SPRY3: variants seen among roughly 807,000 people sequenced by gnomAD.
SPRY3 encodes protein sprouty homolog 3.
A neutral mutation model predicts 20.2 loss-of-function variants in SPRY3; 15 were observed. The observed-to-expected ratio is 0.74, with a 90% confidence interval of 0.50 to 1.14. SPRY3 has a LOEUF of 1.14. Ranked by LOEUF, SPRY3 falls within the 50% of genes most tolerant of loss-of-function variation. The probability of loss-of-function intolerance (pLI) is 0.00; values close to 1 mark genes in which losing one functional copy is unlikely to be tolerated. For synonymous variants in SPRY3, 143 were observed against 136.5 expected, an observed-to-expected ratio of 1.05 and a Z score of -0.33; for missense variants, 364 against 363.9, an observed-to-expected ratio of 1.00 and a Z score of 0.00.
chrX:155,672,002 C>T (rs1430122925), intron 2 of SPRY3, among the ~76,000 whole-genome samples: 2 of 111,042 alleles, frequency 1.8e-5, no homozygotes, highest in Non-Finnish European at 3.8e-5. Flanking sequence ...TTCCATTGAT[C>T]TATATCTCTG....
In SPRY3 at chrX:155,726,892, G is replaced by C. The variant is rs2091102015; in HGVS notation, c.-281-41070G>C. Among the ~76,000 whole-genome samples, 5 of 152,158 alleles carry C rather than the reference G, an allele frequency of 3.3e-5. No homozygotes were observed. The South Asian group carries it at 1.0e-3, about 32-fold the overall frequency. On this transcript the variant is annotated intron_variant, in intron 2 of 3. Transcript: ENST00000675360. ...TGTTAGCTGGTTATTTTGCCCATTA[G>C]TTGATGCAGTTTCTTCATAGCATCA...
At chrX:155,681,754 G>A (rs184193051) in intron 2 of SPRY3, among the ~76,000 whole-genome samples, 30 of 112,521 alleles carry the variant, frequency 2.7e-4, no homozygotes, top group African/African-American at 9.0e-4. Context: ...TTAAGCTGAA[G>A]CCTAATCCAG....
intron 2 of SPRY3, among the ~76,000 whole-genome samples, chrX:155,690,667 A>C (rs2124573874): frequency 1.1e-5 from 1 of 87,253 alleles, no homozygotes; most frequent in Admixed American, 1.2e-4. Context: ...TATTCACCCA[A>C]TACAGGAGCA....
chrX:155,753,449 A>T (rs1288021947), intron 2 of SPRY3, among the ~76,000 whole-genome samples: 2 of 151,980 alleles, frequency 1.3e-5, no homozygotes, highest in Non-Finnish European at 2.9e-5. Context: ...TCTAGAAAAT[A>T]TTCCATTGTA....
chrX:155,766,584 C>G (rs1170396970), intron 2 of SPRY3, among the ~76,000 whole-genome samples: 1 of 152,188 alleles, frequency 6.6e-6, no homozygotes, highest in African/African-American at 2.4e-5. Context: ...GACTTGAAAT[C>G]AGATCTCCTT....
intron 2 of SPRY3, among the ~76,000 whole-genome samples, chrX:155,671,372 C>T (rs782005875): frequency 2.7e-5 from 3 of 110,670 alleles, no homozygotes; most frequent in African/African-American, 9.8e-5. Flanking sequence ...TATTGCTTCT[C>T]CCAATGTCCA....
chrX:155,656,385 G>T (rs1191590170), intron 1 of SPRY3, among the ~76,000 whole-genome samples: 4 of 110,506 alleles, frequency 3.6e-5, no homozygotes, highest in Non-Finnish European at 7.5e-5. Flanking sequence ...CCGCTTGATT[G>T]ATTCAGCTGT....
At chrX:155,706,661 T>G (rs2090953656) in intron 2 of SPRY3, among the ~76,000 whole-genome samples, 1 of 150,890 alleles carries the variant, frequency 6.6e-6, no homozygotes, top group Admixed American at 6.6e-5. Context: ...TAATTCCCAT[T>G]TAACTAAAGA....
intron 1 of SPRY3, among the ~76,000 whole-genome samples, chrX:155,653,534 T>G (rs2067983340): frequency 8.9e-6 from 1 of 112,042 alleles, no homozygotes; most frequent in Non-Finnish European, 1.9e-5. Flanking sequence ...GGCATCCTGG[T>G]TGAAAATCAA....
chrX:155,717,374 G>T (rs1027523504), intron 2 of SPRY3, among the ~76,000 whole-genome samples: 1 of 151,840 alleles, frequency 6.6e-6, no homozygotes, highest in African/African-American at 2.4e-5. Context: ...TAAGCTGTAG[G>T]TCATCCCTCT....
At chrX:155,673,218 A>T (rs1405174411) in intron 2 of SPRY3, among the ~76,000 whole-genome samples, 5 of 108,826 alleles carry the variant, frequency 4.6e-5, no homozygotes, top group Admixed American at 2.0e-4. Context: ...GTAAAATAAT[A>T]AAAAAAATTA....
At chrX:155,721,411 C>T (rs1351664676) in intron 2 of SPRY3, among the ~76,000 whole-genome samples, 1 of 151,840 alleles carries the variant, frequency 6.6e-6, no homozygotes. Flanking sequence ...AGAGAACCTC[C>T]CAAACCTAGA....
chrX:155,672,042 T>G (rs1293317252), intron 2 of SPRY3, among the ~76,000 whole-genome samples: 1 of 111,689 alleles, frequency 9.0e-6, no homozygotes, highest in Non-Finnish European at 1.9e-5. Context: ...CTGTTTTGGT[T>G]ACTGTAGCCT....
At position 155,659,230 on chromosome X, in the gene SPRY3, C is replaced by T. The variant is rs201351618; in HGVS notation, c.-282+2205C>T. Among the ~76,000 whole-genome samples the T allele has an allele frequency of 1.6e-4, 17 of 108,530 alleles. No individual in the cohort carries two copies. The East Asian group carries it at 4.1e-3, about 26-fold the overall frequency. The allele number at this position is 108,530 out of a possible 115,157, so 94.2% of individuals were successfully genotyped here. A position where few individuals can be genotyped will look rare whatever the true frequency, so the allele number is the denominator to read the frequency against. ...CACAATCTTGGCTCACTGCAAGCTC[C>T]GCCTCCTGGGTTCACACCATTCTAC... On this transcript the variant is annotated intron_variant, in intron 2 of 3. Coordinates refer to ENST00000675360, the Ensembl canonical transcript of SPRY3.
intron 3 of SPRY3, among the ~76,000 whole-genome samples, chrX:155,769,178 C>T (rs2091366070): frequency 6.6e-6 from 1 of 152,136 alleles, no homozygotes; most frequent in Non-Finnish European, 1.5e-5. Flanking sequence ...ATATTTGTCT[C>T]TTTGTGTTCT....
intron 2 of SPRY3, among the ~76,000 whole-genome samples, chrX:155,698,180 T>G (rs1233960178): frequency 9.0e-6 from 1 of 111,340 alleles, no homozygotes; most frequent in Non-Finnish European, 1.9e-5. Flanking sequence ...CTCATATATG[T>G]CCCCTTTATC....
rs753048678 is a variant in SPRY3, at chrX:155,688,693, G to GT, written c.-282+31679dup. Reference sequence around the variant, plus strand: ...ACGCATGTATGTCTTTTTTTAAATTGTTTTTTTTTTTAAGTTCTGGGGTAC... The same window carrying GT: ...ACGCATGTATGTCTTTTTTTAAATTGTTTTTTTTTTTTAAGTTCTGGGGTAC... On this transcript the variant is annotated intron_variant, in intron 2 of 3. Coordinates refer to ENST00000675360, the Ensembl canonical transcript of SPRY3. Among the ~76,000 whole-genome samples, 610 of 103,147 alleles carry GT rather than the reference G, an allele frequency of 5.9e-3. 1 individual carries two copies. The highest frequency in any genetic ancestry group is 7.2e-3 in the Non-Finnish European group (358 of 50,060). The allele number at this position is 103,147 out of a possible 115,157, so 89.6% of individuals were successfully genotyped here. A position where few individuals can be genotyped will look rare whatever the true frequency, so the allele number is the denominator to read the frequency against.
chrX:155,663,551 C>A (rs1238406269), intron 2 of SPRY3, among the ~76,000 whole-genome samples: 1 of 111,183 alleles, frequency 9.0e-6, no homozygotes, highest in Non-Finnish European at 1.9e-5. Context: ...TGAGGGGAAA[C>A]AATAGACAGT....
intron 3 of SPRY3, among the ~76,000 whole-genome samples, chrX:155,770,872 G>A (rs1278988465): frequency 6.6e-6 from 1 of 151,986 alleles, no homozygotes; most frequent in Non-Finnish European, 1.5e-5. Context: ...AGTTCATCCT[G>A]TTAGCCAGAT....
Sources: allele counts gnomAD v4.1 joint callset (sites outside exome capture counted in the v4.1 genomes callset), GRCh38; gene constraint gnomAD v4.1.1; transcripts MANE v1.5; gene names NCBI Gene and HGNC (gene_info 2026-07-23, HGNC 2026-07-21).